Variants in TCF4 observed in about 807,000 individuals in gnomAD.
TCF4 encodes the protein SL3-3 enhancer factor 2.
In TCF4, 3 loss-of-function variants were observed where a neutral mutation model predicts 82.1. The observed-to-expected ratio is 0.04, with a 90% CI of 0.02 to 0.09. The LOEUF (loss-of-function observed/expected upper bound fraction) is 0.09. Ranked by LOEUF, TCF4 falls within the 10% of genes least tolerant of loss-of-function variation. TCF4 has a pLI of 1.00. For missense variants in TCF4, 518 were observed against 852.7 expected (o/e 0.61, Z 4.89); for synonymous variants, 276 against 309.6 (o/e 0.89, Z 1.14).
At position 55,350,420 on chromosome 18, in the gene TCF4, T is replaced by C. The variant is rs764119239; in HGVS notation, c.500-12A>G. On this transcript the variant is annotated splice_polypyrimidine_tract_variant and intron_variant, in intron 7 of 19. Transcript: ENST00000354452. ...CTTTGTCTGTACCTCTGAAAGAAAA[T>C]GAAGATGCTTTCAGCTCCCAAATGC... 7 of 1,613,334 alleles carry C rather than the reference T, an allele frequency of 4.3e-6. No individual in the cohort carries two copies. In the South Asian group the frequency reaches 5.5e-5, roughly 13 times the overall value.
chr18:55,598,921 C>T (rs779176972), intron 2 of TCF4, among the ~76,000 whole-genome samples: 7 of 152,216 alleles, frequency 4.6e-5, no homozygotes, highest in Non-Finnish European at 7.3e-5. Flanking sequence ...AGCAATCACT[C>T]TTTTGTTTGC....
intron 3 of TCF4, among the ~76,000 whole-genome samples, chr18:55,519,972 G>A (rs2096919617): frequency 6.6e-6 from 1 of 152,126 alleles, no homozygotes; most frequent in South Asian, 2.1e-4. Flanking sequence ...TCAGTTTAGT[G>A]CTATAAGAAT....
intron 3 of TCF4, among the ~76,000 whole-genome samples, chr18:55,572,792 G>A (rs1393808718): frequency 1.3e-5 from 2 of 152,102 alleles, no homozygotes; most frequent in African/African-American, 2.4e-5. Context: ...GGTGGCTCAC[G>A]CCTGTAATCC....
chr18:55,514,275 T>C (rs970010597), intron 3 of TCF4, among the ~76,000 whole-genome samples: 3 of 152,152 alleles, frequency 2.0e-5, no homozygotes, highest in East Asian at 3.8e-4. Context: ...ACAGGACTAT[T>C]GTGGCATCGA....
chr18:55,540,171 C>A (rs2097153660), intron 3 of TCF4, among the ~76,000 whole-genome samples: 1 of 151,742 alleles, frequency 6.6e-6, no homozygotes, highest in South Asian at 2.1e-4. Context: ...AGGCAATACA[C>A]AAATACTAGT....
chr18:55,611,067 T>G (rs2097706551), intron 2 of TCF4, among the ~76,000 whole-genome samples: 1 of 151,844 alleles, frequency 6.6e-6, no homozygotes, highest in Non-Finnish European at 1.5e-5. Flanking sequence ...TGCACAGGAG[T>G]TTGGCATGAG....
chr18:55,565,514 C>T (rs1444097438), intron 3 of TCF4, among the ~76,000 whole-genome samples: 5 of 152,120 alleles, frequency 3.3e-5, no homozygotes, highest in African/African-American at 9.7e-5. Flanking sequence ...AAAGCAATTC[C>T]TCTCTGGAGA....
chr18:55,311,133 A>G (rs1200204456), intron 8 of TCF4, among the ~76,000 whole-genome samples: 2 of 152,168 alleles, frequency 1.3e-5, no homozygotes, highest in African/African-American at 4.8e-5. Flanking sequence ...ACAAAAAACA[A>G]TGTTTTGGAA....
intron 8 of TCF4, among the ~76,000 whole-genome samples, chr18:55,318,879 G>A (rs2147399047): frequency 6.6e-6 from 1 of 152,192 alleles, no homozygotes; most frequent in East Asian, 1.9e-4. Flanking sequence ...TTCTTGTAAT[G>A]CTTAATTATA....
At chr18:55,321,337 G>A in intron 8 of TCF4, 1 of 305,844 alleles carries the variant, frequency 3.3e-6, no homozygotes, top group Non-Finnish European at 6.2e-6. Flanking sequence ...TCATTTGGAA[G>A]GAATAAGAAT....
At chr18:55,476,703 G>A (rs539629953) in intron 3 of TCF4, among the ~76,000 whole-genome samples, 1 of 152,084 alleles carries the variant, frequency 6.6e-6, no homozygotes, top group Non-Finnish European at 1.5e-5. Flanking sequence ...CCTGGGCTCA[G>A]GCAATCCTCC....
chr18:55,427,580 T>C (rs1040772453), intron 5 of TCF4, among the ~76,000 whole-genome samples: 16 of 152,154 alleles, frequency 1.1e-4, no homozygotes, highest in African/African-American at 3.4e-4. Context: ...GATGCCTCCA[T>C]CTTCTCATCA....
At chr18:55,483,871 G>A (rs942006090) in intron 3 of TCF4, among the ~76,000 whole-genome samples, 2 of 152,180 alleles carry the variant, frequency 1.3e-5, no homozygotes, top group African/African-American at 4.8e-5. Flanking sequence ...AATATTTAAA[G>A]TTCTGCTTCA....
At chr18:55,281,494 T>C (rs1483216717) in intron 8 of TCF4, among the ~76,000 whole-genome samples, 1 of 152,130 alleles carries the variant, frequency 6.6e-6, no homozygotes, top group East Asian at 1.9e-4. Context: ...AAGTGTACTA[T>C]GGAATATACC....
intron 3 of TCF4, among the ~76,000 whole-genome samples, chr18:55,544,350 G>C (rs905230988): frequency 3.3e-5 from 5 of 152,042 alleles, no homozygotes; most frequent in Non-Finnish European, 5.9e-5. Flanking sequence ...ACATACTAGG[G>C]GGCTGAGTAT....
intron 8 of TCF4, among the ~76,000 whole-genome samples, chr18:55,346,567 C>A (rs1200937074): frequency 1.3e-5 from 2 of 152,098 alleles, no homozygotes; most frequent in Non-Finnish European, 1.5e-5. Context: ...ATAAAATATC[C>A]TATTTCCAGA....
chr18:55,617,194 AT>A (rs1173008833), intron 2 of TCF4, among the ~76,000 whole-genome samples: 2 of 152,066 alleles, frequency 1.3e-5, no homozygotes, highest in Non-Finnish European at 2.9e-5. Flanking sequence ...TGTTGAAGAG[AT>A]TGACCTTTCC....
At chr18:55,397,128 T>C (rs1367798759) in intron 6 of TCF4, among the ~76,000 whole-genome samples, 2 of 152,228 alleles carry the variant, frequency 1.3e-5, no homozygotes, top group African/African-American at 4.8e-5. Flanking sequence ...AAGATTCCTT[T>C]ACAATGGAAC....
chr18:55,496,769 G>C (rs2096640871), intron 3 of TCF4, among the ~76,000 whole-genome samples: 1 of 151,930 alleles, frequency 6.6e-6, no homozygotes, highest in Non-Finnish European at 1.5e-5. Context: ...ACTTGCAAGA[G>C]TCCCAACTTC....
Sources: gnomAD v4.1 joint callset for allele counts (sites outside exome capture counted in the v4.1 genomes callset) on GRCh38, gnomAD v4.1.1 for gene constraint, MANE v1.5 for transcripts, NCBI Gene and HGNC (gene_info 2026-07-23, HGNC 2026-07-21) for gene names.